INPP4A: variants seen among roughly 807,000 people sequenced by gnomAD.
INPP4A encodes inositol polyphosphate-4-phosphatase type I A.
Under a neutral mutation model 119.8 loss-of-function variants are expected in INPP4A, and 33 were observed. The observed-to-expected ratio is 0.28, with a 90% CI of 0.21 to 0.37. The LOEUF (loss-of-function observed/expected upper bound fraction) is 0.37. Among genes scored for constraint, INPP4A ranks in the 10% least tolerant of loss-of-function variants. INPP4A has a pLI of 1.00. For missense variants in INPP4A, 956 were observed against 1,289.9 expected (o/e 0.74, Z 3.97); for synonymous variants, 496 against 500.7 (o/e 0.99, Z 0.12).
chr2:98,543,792 A>G (rs1691973021), intron 10 of INPP4A, 85 bp from the exon 11 acceptor site: 2 of 1,530,010 alleles, frequency 1.3e-6, no homozygotes, highest in South Asian at 2.5e-5. Flanking sequence ...TCCCCTGCAA[A>G]TGCTGTTGTC....
intron 1 of INPP4A, among the ~76,000 whole-genome samples, chr2:98,509,734 T>G (rs911020837): frequency 1.3e-5 from 2 of 152,222 alleles, no homozygotes; most frequent in Non-Finnish European, 2.9e-5. Context: ...TCTCCCAGAT[T>G]GTGAGCACCT....
At chr2:98,552,336 T>C (rs1693679533) in intron 13 of INPP4A, among the ~76,000 whole-genome samples, 1 of 152,124 alleles carries the variant, frequency 6.6e-6, no homozygotes, top group African/African-American at 2.4e-5. Context: ...TTTGGTTGTT[T>C]GGGGACAAAG....
intron 2 of INPP4A, 171 bp downstream of exon 2, chr2:98,519,196 G>T (rs1686710478): frequency 6.6e-6 from 1 of 152,220 alleles, no homozygotes; most frequent in African/African-American, 2.4e-5. Context: ...GTAAAGGTTG[G>T]TTCTTTCTAG....
intron 1 of INPP4A, among the ~76,000 whole-genome samples, chr2:98,481,086 G>A (rs1051205611): frequency 5.3e-5 from 8 of 152,236 alleles, no homozygotes; most frequent in African/African-American, 1.9e-4. Context: ...AAGTTCTTCT[G>A]CTAGTTACCT....
chr2:98,530,220 A>C (rs1171745846), intron 4 of INPP4A, among the ~76,000 whole-genome samples: 1 of 152,100 alleles, frequency 6.6e-6, no homozygotes, highest in African/African-American at 2.4e-5. Context: ...AAAAATCTGA[A>C]CTACCTGGTC....
intron 10 of INPP4A, among the ~76,000 whole-genome samples, chr2:98,540,962 C>T (rs1379574974): frequency 6.6e-6 from 1 of 152,160 alleles, no homozygotes; most frequent in Non-Finnish European, 1.5e-5. Flanking sequence ...AGCAAGGCAG[C>T]CAGAATCCTG....
intron 1 of INPP4A, among the ~76,000 whole-genome samples, chr2:98,503,379 C>G (rs781760309): frequency 2.6e-5 from 4 of 152,184 alleles, no homozygotes; most frequent in Non-Finnish European, 5.9e-5. Context: ...GCTCTCCAGC[C>G]CCATTCTCTG....
chr2:98,539,643 C>T lies in INPP4A; in HGVS notation c.786C>T (p.Phe262=), dbSNP rs374970002. The stretch of plus-strand genomic sequence containing the variant: ...TCTCCCTGCACGTGCCCCGGCAGTT[C>T]GTGAAGCTCCTACTAGAGGAAGATG... ...SVLSLHVPRQ[F]VKLLLEEDAA... is the part of the protein sequence containing the mutation. Residue 262 remains phenylalanine (F), a synonymous_variant, in exon 10 of 25, where the codon TTC becomes TTT. Transcript: ENST00000409851. 27 of 1,609,752 alleles carry T rather than the reference C, an allele frequency of 1.7e-5. No homozygotes were observed. The highest frequency in any genetic ancestry group is 1.1e-4 in the African/African-American group (8 of 74,572).
intron 22 of INPP4A, chr2:98,568,903 C>T (rs770006524): frequency 9.4e-5 from 44 of 469,808 alleles, no homozygotes; most frequent in Non-Finnish European, 1.6e-4. Context: ...ATGGCTCCTT[C>T]CCATGCTGTC....
rs567364666 is a variant in INPP4A at position 98,548,361 on chromosome 2, G to A, written c.1163+1667G>A. Among the ~76,000 whole-genome samples, 403 of 152,306 alleles carry A rather than the reference G, an allele frequency of 2.6e-3. 3 individuals are homozygous for A. Among genetic ancestry groups the A allele is most frequent in the Non-Finnish European group, 4.5e-3 (305 of 68,018 alleles). ...GACTCCAGGTCCCTTTGGGAAATAG[G>A]AAGAAGACGCAGCTTCCTGTGCCAC... On this transcript the variant is annotated intron_variant, in intron 13 of 24. Transcript: ENST00000409851.
chr2:98,470,325 A>C (rs2104819738), intron 1 of INPP4A, among the ~76,000 whole-genome samples: 1 of 152,358 alleles, frequency 6.6e-6, no homozygotes, highest in African/African-American at 2.4e-5. Flanking sequence ...GACCCAGTGC[A>C]CGTGCAGCCC....
At chr2:98,556,088 C>G in intron 16 of INPP4A, 1 of 404,170 alleles carries the variant, frequency 2.5e-6, no homozygotes, top group Non-Finnish European at 4.4e-6. Context: ...AAGGGTTGGG[C>G]TCCTGGGCTT....
Position 98,542,702 on chromosome 2 carries a change from G to T in INPP4A, c.819-1175G>T, listed in dbSNP as rs536212852. On this transcript the variant is annotated intron_variant, in intron 10 of 24. Coordinates refer to ENST00000409851, the MANE Select transcript of INPP4A (RefSeq NM_001134225.2). ...CTTGTGATTTTGCTGTTATGATTGT[G>T]TAGCTGTTCTTCATTGCTGAGCTAA... 3.3e-5 allele frequency among the ~76,000 whole-genome samples: 5 copies of T among 151,384 alleles called. No homozygotes were observed. In the South Asian group the frequency reaches 1.0e-3, roughly 32 times the overall value.
chr2:98,584,289 T>A (rs1045948449), intron 24 of INPP4A, among the ~76,000 whole-genome samples: 5 of 152,274 alleles, frequency 3.3e-5, no homozygotes, highest in Non-Finnish European at 5.9e-5. Context: ...TCAGTTCCCA[T>A]TACACAGCTT....
intron 1 of INPP4A, among the ~76,000 whole-genome samples, chr2:98,484,265 G>A (rs1047895696): frequency 3.3e-5 from 5 of 152,036 alleles, no homozygotes; most frequent in Admixed American, 6.6e-5. Context: ...GGTCATTCCC[G>A]AGGCTGCCCA....
chr2:98,506,162 C>G (rs1369843287), intron 1 of INPP4A, among the ~76,000 whole-genome samples: 6 of 151,992 alleles, frequency 3.9e-5, no homozygotes, highest in African/African-American at 7.2e-5. Flanking sequence ...ACAGGAGATG[C>G]TTATGAAGAC....
At chr2:98,481,155 G>A (rs1367652647) in intron 1 of INPP4A, among the ~76,000 whole-genome samples, 1 of 152,172 alleles carries the variant, frequency 6.6e-6, no homozygotes, top group Non-Finnish European at 1.5e-5. Flanking sequence ...TCAGAGCACT[G>A]TGAACTTTTC....
At chr2:98,556,497 TG>T (rs1193831366) in intron 16 of INPP4A, among the ~76,000 whole-genome samples, 1 of 152,214 alleles carries the variant, frequency 6.6e-6, no homozygotes, top group East Asian at 1.9e-4. Context: ...GCCTTAAAGC[TG>T]GGAAACAGTC....
At chr2:98,469,456 C>T (rs1485238549) in intron 1 of INPP4A, among the ~76,000 whole-genome samples, 5 of 150,248 alleles carry the variant, frequency 3.3e-5, no homozygotes, top group Admixed American at 2.0e-4. Context: ...GCCGAGATCG[C>T]GCCATTGCAC....
Sources: allele counts gnomAD v4.1 joint callset (sites outside exome capture counted in the v4.1 genomes callset), GRCh38; gene constraint gnomAD v4.1.1; transcripts MANE v1.5; gene names NCBI Gene and HGNC (gene_info 2026-07-23, HGNC 2026-07-21).